Variants in NRXN3 observed in about 807,000 individuals in gnomAD.
The protein encoded by NRXN3 is neurexin III.
NRXN3 carries 32 observed loss-of-function variants against 137.6 expected under a neutral mutation model. The observed-to-expected ratio is 0.23, with a 90% CI of 0.18 to 0.31. The LOEUF (loss-of-function observed/expected upper bound fraction) is 0.31, where lower values mean the gene tolerates loss of function less well. Ranked by LOEUF, NRXN3 falls within the 10% of genes least tolerant of loss-of-function variation. The pLI, the probability that NRXN3 is intolerant of heterozygous loss-of-function variation, is 1.00. For synonymous variants in NRXN3, 798 were observed against 784.5 expected (o/e 1.02, Z -0.29); for missense variants, 1,574 against 2,062.5 (o/e 0.76, Z 4.59).
chr14:78,884,245 G>A (rs1003195535), intron 10 of NRXN3, among the ~76,000 whole-genome samples: 1 of 151,988 alleles, frequency 6.6e-6, no homozygotes, highest in Admixed American at 6.6e-5. Flanking sequence ...TAAGCAGAAA[G>A]CATTTATTTT....
At chr14:79,546,582 T>C (rs1458506618) in intron 16 of NRXN3, among the ~76,000 whole-genome samples, 1 of 152,164 alleles carries the variant, frequency 6.6e-6, no homozygotes, top group East Asian at 1.9e-4. Context: ...TACCACCCTT[T>C]TGGCGGGTAG....
At chr14:78,213,698 A>C (rs1201731520) in intron 1 of NRXN3, among the ~76,000 whole-genome samples, 1 of 151,118 alleles carries the variant, frequency 6.6e-6, no homozygotes, top group African/African-American at 2.4e-5. Context: ...GCTGTTGTCA[A>C]CTCTGCTCTC....
At chr14:79,347,637 G>C (rs1053319320) in intron 15 of NRXN3, among the ~76,000 whole-genome samples, 1 of 152,032 alleles carries the variant, frequency 6.6e-6, no homozygotes, top group African/African-American at 2.4e-5. Context: ...TATCCAGGAT[G>C]GTCTGGATCT....
At chr14:78,779,888 A>G (rs375606537) in intron 8 of NRXN3, among the ~76,000 whole-genome samples, 1 of 152,296 alleles carries the variant, frequency 6.6e-6, no homozygotes, top group East Asian at 1.9e-4. Flanking sequence ...TTTTTTCTAA[A>G]TTCTTCTATA....
chr14:78,370,494 A>G (rs946112330), intron 4 of NRXN3, among the ~76,000 whole-genome samples: 2 of 152,200 alleles, frequency 1.3e-5, no homozygotes, highest in African/African-American at 2.4e-5. Flanking sequence ...TAGCACTTAT[A>G]TAAGGTTGTA....
At chr14:79,230,313 T>G (rs1441299501) in intron 15 of NRXN3, among the ~76,000 whole-genome samples, 4 of 152,154 alleles carry the variant, frequency 2.6e-5, no homozygotes, top group Non-Finnish European at 4.4e-5. Context: ...CTATCATTGT[T>G]GGGTGCTGAG....
At chr14:79,702,938 A>AAT (rs376737826) in intron 19 of NRXN3, among the ~76,000 whole-genome samples, 65 of 143,610 alleles carry the variant, frequency 4.5e-4, no homozygotes, top group African/African-American at 1.2e-3. Context: ...AAAAAAAAAA[A>AAT]GCTCAGTGTG....
chr14:79,775,436 G>C (rs543296022), intron 19 of NRXN3, among the ~76,000 whole-genome samples: 4 of 151,830 alleles, frequency 2.6e-5, no homozygotes, highest in Admixed American at 6.6e-5. Flanking sequence ...ATATGGATTG[G>C]GGGGCGTGAT....
At chr14:78,469,125 A>T (rs954886415) in intron 4 of NRXN3, among the ~76,000 whole-genome samples, 2 of 152,162 alleles carry the variant, frequency 1.3e-5, no homozygotes, top group Non-Finnish European at 2.9e-5. Context: ...AAAATTGATA[A>T]TTGAGTCTCA....
intron 15 of NRXN3, among the ~76,000 whole-genome samples, chr14:79,272,785 T>G (rs916090534): frequency 6.6e-6 from 1 of 152,180 alleles, no homozygotes; most frequent in African/African-American, 2.4e-5. Flanking sequence ...AAGAAACATG[T>G]GATGAAGTTG....
chr14:78,879,487 T>C lies in NRXN3; in HGVS notation c.2275+69143T>C, dbSNP rs141792693. 1.2e-3 allele frequency among the ~76,000 whole-genome samples: 182 copies of C among 152,366 alleles called. No homozygotes were observed. In the Middle Eastern group the frequency reaches 0.017, roughly 14 times the overall value. ...CCCTGATAATTAGTGATGTTGAACA[T>C]TTTTTAATGTACTTGTTAGCCGTCT... On this transcript the variant is annotated intron_variant, in intron 10 of 20. Transcript: ENST00000335750.
chr14:79,060,445 A>G (rs1321834861), intron 15 of NRXN3, among the ~76,000 whole-genome samples: 1 of 152,188 alleles, frequency 6.6e-6, no homozygotes, highest in Admixed American at 6.5e-5. Context: ...AAATTAGCCA[A>G]ATGTCAGGAT....
intron 19 of NRXN3, among the ~76,000 whole-genome samples, chr14:79,709,202 G>C (rs536903924): frequency 6.6e-6 from 1 of 152,000 alleles, no homozygotes; most frequent in Non-Finnish European, 1.5e-5. Flanking sequence ...TCACTATAGA[G>C]TATAGAGCAA....
At chr14:79,358,666 A>AAAGAAAGT (rs1199503184) in intron 15 of NRXN3, among the ~76,000 whole-genome samples, 42 of 147,462 alleles carry the variant, frequency 2.8e-4, no homozygotes, top group African/African-American at 7.6e-4. Flanking sequence ...AGAAAGAAAG[A>AAAGAAAGT]AAGTGTCCTA....
chr14:78,623,734 A>G (rs1336506022), intron 4 of NRXN3, among the ~76,000 whole-genome samples: 3 of 151,998 alleles, frequency 2.0e-5, no homozygotes, highest in Non-Finnish European at 4.4e-5. Flanking sequence ...CGCCTGGCTA[A>G]TTTTTGTATG....
chr14:78,789,478 C>T (rs1015990990), intron 8 of NRXN3, among the ~76,000 whole-genome samples: 3 of 152,102 alleles, frequency 2.0e-5, no homozygotes, highest in African/African-American at 7.2e-5. Context: ...CACAGGATAG[C>T]CTTTGCAACC....
intron 10 of NRXN3, among the ~76,000 whole-genome samples, chr14:78,953,817 A>C (rs2099391561): frequency 6.6e-6 from 1 of 152,228 alleles, no homozygotes; most frequent in African/African-American, 2.4e-5. Flanking sequence ...CATGTAATAC[A>C]TACAACTAAT....
chr14:78,788,152 C>T (rs1194344889), intron 8 of NRXN3, among the ~76,000 whole-genome samples: 1 of 152,150 alleles, frequency 6.6e-6, no homozygotes, highest in African/African-American at 2.4e-5. Flanking sequence ...CACCAAGGCT[C>T]TTTCTACTGA....
At chr14:78,723,520 T>C (rs966195104) in intron 8 of NRXN3, among the ~76,000 whole-genome samples, 2 of 152,188 alleles carry the variant, frequency 1.3e-5, no homozygotes, top group African/African-American at 4.8e-5. Flanking sequence ...GTGGTGACCA[T>C]TAAGCAGATG....
Sources: allele counts gnomAD v4.1 joint callset (sites outside exome capture counted in the v4.1 genomes callset), GRCh38; gene constraint gnomAD v4.1.1; transcripts MANE v1.5; gene names NCBI Gene and HGNC (gene_info 2026-07-23, HGNC 2026-07-21).